SLC24A4: variants seen among roughly 807,000 people sequenced by gnomAD.
SLC24A4 encodes solute carrier family 24 member 4, also known as sodium/potassium/calcium exchanger 4.
A neutral mutation model predicts 79.0 loss-of-function variants in SLC24A4; 53 were observed. The ratio of observed to expected loss-of-function variants is 0.67; its 90% CI spans 0.54 to 0.84. SLC24A4 has a LOEUF of 0.84. Ranked by LOEUF, SLC24A4 falls within the 40% of genes least tolerant of loss-of-function variation. The probability of loss-of-function intolerance (pLI) is 0.00; values close to 1 mark genes in which losing one functional copy is unlikely to be tolerated. For synonymous variants in SLC24A4, 323 were observed against 323.8 expected, an observed-to-expected ratio of 1.00 and a Z score of 0.03; for missense variants, 731 against 822.0, an observed-to-expected ratio of 0.89 and a Z score of 1.35.
At chr14:92,328,218 C>T (rs1025372775) in intron 2 of SLC24A4, among the ~76,000 whole-genome samples, 3 of 152,210 alleles carry the variant, frequency 2.0e-5, no homozygotes, top group Non-Finnish European at 4.4e-5. Context: ...TCTCTGCCCC[C>T]TTTTCATTTC....
rs1029774886 is a variant in SLC24A4 at position 92,496,398 on chromosome 14, C to A, written c.*2770C>A. 6.6e-6 allele frequency: 1 copy of A among 152,000 alleles called. No individual in the cohort carries two copies. The highest frequency in any genetic ancestry group is 2.4e-5 in the African/African-American group (1 of 41,344). 9.4% of individuals were successfully genotyped at this position (152,000 alleles called of 1,614,324 possible). ...ATTACTTTATTTTATTCCCAAAGCTCATTAGCATGGGATAATTACTCTGCT... is the reference window on the plus strand; with the variant it reads ...ATTACTTTATTTTATTCCCAAAGCTAATTAGCATGGGATAATTACTCTGCT... On this transcript the variant is annotated 3_prime_UTR_variant, in exon 17 of 17. Transcript: ENST00000532405.
intron 8 of SLC24A4, among the ~76,000 whole-genome samples, chr14:92,445,899 C>T (rs1270211564): frequency 1.3e-5 from 2 of 152,150 alleles, no homozygotes; most frequent in African/African-American, 4.8e-5. Flanking sequence ...GAATTGATTT[C>T]CTAATTAAGA....
intron 2 of SLC24A4, among the ~76,000 whole-genome samples, chr14:92,345,849 C>G (rs1348740130): frequency 4.6e-5 from 7 of 152,172 alleles, no homozygotes; most frequent in Admixed American, 1.3e-4. Context: ...AAGGGCCCTG[C>G]CCTGGTGGAG....
intron 16 of SLC24A4, 75 bp from the exon 17 acceptor site, chr14:92,493,401 G>A (rs1895806621): frequency 6.5e-7 from 1 of 1,550,102 alleles, no homozygotes; most frequent in Non-Finnish European, 8.8e-7. Context: ...CCCCACATAG[G>A]TGTCGCTTTC....
At chr14:92,343,640 C>CTT (rs1380798664) in intron 2 of SLC24A4, among the ~76,000 whole-genome samples, 1,031 of 94,136 alleles carry the variant, frequency 0.011, 21 homozygotes, top group Middle Eastern at 0.029. Context: ...TTCTTTCTTT[C>CTT]TCTCTTTCCT....
At chr14:92,428,780 G>C (rs1891703804) in intron 2 of SLC24A4, among the ~76,000 whole-genome samples, 1 of 152,234 alleles carries the variant, frequency 6.6e-6, no homozygotes, top group African/African-American at 2.4e-5. Flanking sequence ...AGTCCCTTGG[G>C]GGGAGGGGAC....
At chr14:92,364,700 C>T (rs1391984915) in intron 2 of SLC24A4, among the ~76,000 whole-genome samples, 1 of 152,216 alleles carries the variant, frequency 6.6e-6, no homozygotes, top group Non-Finnish European at 1.5e-5. Context: ...GCTGGCCCCT[C>T]TTCTTCCTTC....
intron 2 of SLC24A4, among the ~76,000 whole-genome samples, chr14:92,334,874 ATCATCATCATCATCG>A (rs1457680182): frequency 2.6e-5 from 4 of 151,636 alleles, no homozygotes; most frequent in Admixed American, 2.0e-4. Flanking sequence ...TGCCATCATC[ATCATCATCATCATCG>A]TCATCATCAT....
intron 2 of SLC24A4, among the ~76,000 whole-genome samples, chr14:92,402,645 C>T (rs1890176060): frequency 6.6e-6 from 1 of 152,062 alleles, no homozygotes; most frequent in Admixed American, 6.5e-5. Context: ...CTGGGGAAGC[C>T]TCATAATCAT....
chr14:92,325,563 C>T (rs576772878), intron 1 of SLC24A4, among the ~76,000 whole-genome samples: 6 of 152,318 alleles, frequency 3.9e-5, no homozygotes, highest in African/African-American at 1.2e-4. Context: ...TGGAAGAACA[C>T]TTAAAAGGTC....
chr14:92,429,421 C>T (rs1015878777), intron 2 of SLC24A4, among the ~76,000 whole-genome samples: 1 of 152,142 alleles, frequency 6.6e-6, no homozygotes. Context: ...TTTATATACA[C>T]ATACGTTCAT....
intron 2 of SLC24A4, among the ~76,000 whole-genome samples, chr14:92,334,794 T>C (rs1329190070): frequency 6.6e-6 from 1 of 152,100 alleles, no homozygotes; most frequent in African/African-American, 2.4e-5. Context: ...TTCTTACCTG[T>C]CTCACAGTGC....
intron 8 of SLC24A4, among the ~76,000 whole-genome samples, chr14:92,446,806 T>C (rs762603495): frequency 1.3e-5 from 2 of 152,188 alleles, no homozygotes; most frequent in African/African-American, 4.8e-5. Context: ...GCTAATGGGA[T>C]TGGGTGGGAT....
intron 13 of SLC24A4, chr14:92,483,876 C>T: frequency 7.8e-7 from 1 of 1,289,296 alleles, no homozygotes; most frequent in Non-Finnish European, 1.0e-6. Flanking sequence ...GGCAAGCGAT[C>T]TTGACATGAG....
chr14:92,416,066 TAG>T (rs1441316697), intron 2 of SLC24A4, among the ~76,000 whole-genome samples: 1 of 152,100 alleles, frequency 6.6e-6, no homozygotes, highest in East Asian at 1.9e-4. Flanking sequence ...TGTGGAGATG[TAG>T]AGACATCCCC....
rs767161872 is a variant in SLC24A4 at position 92,323,921 on chromosome 14, G to A, written c.91G>A (p.Ala31Thr). ...AGTCGGCTTCGTGTGCGCGGTGCTG[G>A]CCCTGGTGTGCTGTGCGTCCGGCCT... ...QQVGFVCAVL[A>T]LVCCASGLFG... The change falls in exon 1 of 17, where the codon GCC becomes ACC. Residue 31 changes from alanine (A) to threonine (T), a missense_variant. Ala to Thr is a moderately conservative substitution (Grantham distance 58). Coordinates refer to ENST00000532405, the MANE Select transcript of SLC24A4 (RefSeq NM_153646.4). This position sits in a 1 kb window ranked among gnomAD's most constrained non-coding sequence, Gnocchi z 4.9. The A allele has an allele frequency of 1.9e-6, 3 of 1,611,072 alleles. No homozygotes were observed.
At chr14:92,471,070 G>C (rs1202018093) in intron 12 of SLC24A4, among the ~76,000 whole-genome samples, 1 of 152,192 alleles carries the variant, frequency 6.6e-6, no homozygotes, top group Non-Finnish European at 1.5e-5. Flanking sequence ...ATTGCATTCA[G>C]CTGCATGTAA....
intron 9 of SLC24A4, 103 bp from the exon 10 acceptor site, chr14:92,448,970 TG>T: frequency 7.1e-7 from 1 of 1,416,992 alleles, no homozygotes; most frequent in Non-Finnish European, 9.8e-7. Flanking sequence ...CCACCACTCC[TG>T]GGCTGTGCTG....
chr14:92,446,252 T>C (rs1408933926), intron 8 of SLC24A4, among the ~76,000 whole-genome samples: 3 of 152,132 alleles, frequency 2.0e-5, no homozygotes, highest in Admixed American at 1.3e-4. Context: ...GCTCAAGTGA[T>C]TCATGTGCCT....
Sources: gnomAD v4.1 joint callset for allele counts (sites outside exome capture counted in the v4.1 genomes callset) on GRCh38, gnomAD v4.1.1 for gene constraint, Gnocchi (gnomAD v3.1) non-coding constraint, MANE v1.5 for transcripts, NCBI Gene and HGNC (gene_info 2026-07-23, HGNC 2026-07-21) for gene names.